Variants in GULP1 observed in about 807,000 individuals in gnomAD.
GULP1 encodes PTB domain-containing engulfment adapter protein 1.
In GULP1, 19 loss-of-function variants were observed where a neutral mutation model predicts 40.9. The ratio of observed to expected loss-of-function variants is 0.46; its 90% CI spans 0.32 to 0.68. GULP1 has a LOEUF of 0.68. GULP1 is among the 30% of genes least tolerant of loss of function. GULP1 has a pLI of 0.03. For synonymous variants in GULP1, 119 were observed against 117.6 expected, an observed-to-expected ratio of 1.01 and a Z score of -0.08; for missense variants, 312 against 362.2, an observed-to-expected ratio of 0.86 and a Z score of 1.12.
chr2:188,316,320 C>G (rs2039075147), intron 1 of GULP1, among the ~76,000 whole-genome samples: 1 of 152,102 alleles, frequency 6.6e-6, no homozygotes, highest in South Asian at 2.1e-4. Context: ...GCCTTTCACA[C>G]TTTTTTGACT....
intron 7 of GULP1, among the ~76,000 whole-genome samples, chr2:188,554,697 G>A (rs1694317178): frequency 1.3e-5 from 2 of 151,850 alleles, no homozygotes; most frequent in South Asian, 4.2e-4. Flanking sequence ...GGAGGTTTTT[G>A]TTATCTGTCT....
chr2:188,423,664 CTT>C (rs200462762), intron 2 of GULP1, among the ~76,000 whole-genome samples: 2,710 of 151,646 alleles, frequency 0.018, 39 homozygotes, highest in Non-Finnish European at 0.029. Context: ...ATTTTAGTAA[CTT>C]ATGAATATAA....
At chr2:188,562,688 A>G (rs1696617339) in intron 7 of GULP1, among the ~76,000 whole-genome samples, 1 of 152,116 alleles carries the variant, frequency 6.6e-6, no homozygotes, top group African/African-American at 2.4e-5. Context: ...ATCATCCACC[A>G]CTTTAATAGA....
intron 1 of GULP1, among the ~76,000 whole-genome samples, chr2:188,329,269 T>C (rs1401907940): frequency 1.3e-5 from 2 of 152,150 alleles, no homozygotes; most frequent in African/African-American, 4.8e-5. Context: ...TACATCCCTC[T>C]TGTACCCTTG....
chr2:188,296,748 G>A (rs1343639747), intron 1 of GULP1, among the ~76,000 whole-genome samples: 1 of 151,976 alleles, frequency 6.6e-6, no homozygotes, highest in African/African-American at 2.4e-5. Context: ...ATGCAACTAA[G>A]AGAGTGCATC....
chr2:188,380,128 G>A (rs538612907), intron 1 of GULP1, among the ~76,000 whole-genome samples: 5 of 152,212 alleles, frequency 3.3e-5, no homozygotes, highest in Non-Finnish European at 5.9e-5. Flanking sequence ...AGAGTGTAGG[G>A]GTATAGGTAT....
At chr2:188,561,837 G>T (rs73042451) in intron 7 of GULP1, among the ~76,000 whole-genome samples, 3 of 152,232 alleles carry the variant, frequency 2.0e-5, no homozygotes, top group East Asian at 1.9e-4. Context: ...CCTGGCAGTG[G>T]TAGTCCTTGC....
intron 4 of GULP1, among the ~76,000 whole-genome samples, chr2:188,492,386 C>T (rs2062480019): frequency 6.6e-6 from 1 of 152,002 alleles, no homozygotes; most frequent in Non-Finnish European, 1.5e-5. Flanking sequence ...TTTTGGTTAA[C>T]AGTATTCCAG....
chr2:188,531,314 G>A (rs1317598425), intron 6 of GULP1, among the ~76,000 whole-genome samples: 1 of 152,166 alleles, frequency 6.6e-6, no homozygotes, highest in Non-Finnish European at 1.5e-5. Context: ...TTATGGAATA[G>A]CGACATAAAA....
chr2:188,466,024 G>A (rs1000917177), intron 2 of GULP1, among the ~76,000 whole-genome samples: 8 of 151,672 alleles, frequency 5.3e-5, no homozygotes, highest in African/African-American at 1.9e-4. Flanking sequence ...CCTCACTGGG[G>A]GGACAATTGA....
At chr2:188,300,646 C>T (rs1447650277) in intron 1 of GULP1, among the ~76,000 whole-genome samples, 1 of 152,098 alleles carries the variant, frequency 6.6e-6, no homozygotes, top group Non-Finnish European at 1.5e-5. Context: ...CTGTGAGATA[C>T]ATCTATTTTA....
intron 1 of GULP1, among the ~76,000 whole-genome samples, chr2:188,313,000 T>C (rs2038439892): frequency 6.6e-6 from 1 of 152,178 alleles, no homozygotes; most frequent in South Asian, 2.1e-4. Context: ...TTTAAGTTCC[T>C]TGTAAACTCT....
At chr2:188,527,465 A>G (rs1686458719) in intron 5 of GULP1, among the ~76,000 whole-genome samples, 1 of 152,212 alleles carries the variant, frequency 6.6e-6, no homozygotes, top group African/African-American at 2.4e-5. Context: ...TTATGCTGAT[A>G]TAAGGAGATT....
At chr2:188,485,098 A>G (rs544030176) in intron 4 of GULP1, among the ~76,000 whole-genome samples, 3 of 152,264 alleles carry the variant, frequency 2.0e-5, no homozygotes, top group South Asian at 4.1e-4. Flanking sequence ...TCAATTTTTT[A>G]TATTATCAAT....
At chr2:188,340,778 G>A (rs2042862148) in intron 1 of GULP1, among the ~76,000 whole-genome samples, 1 of 152,106 alleles carries the variant, frequency 6.6e-6, no homozygotes, top group Admixed American at 6.5e-5. Context: ...GAATGCAGAG[G>A]ACTTTATTGC....
chr2:188,503,550 G>A (rs1039399906), intron 4 of GULP1, among the ~76,000 whole-genome samples: 2 of 151,840 alleles, frequency 1.3e-5, no homozygotes, highest in Admixed American at 6.6e-5. Context: ...CTCGACACAT[G>A]AAGATTACAA....
At chr2:188,370,833 A>T (rs1037461924) in intron 1 of GULP1, among the ~76,000 whole-genome samples, 1 of 152,034 alleles carries the variant, frequency 6.6e-6, no homozygotes, top group Non-Finnish European at 1.5e-5. Context: ...TATACTTTCA[A>T]ATGTATGTGT....
At chr2:188,446,699 G>A (rs2058415046) in intron 2 of GULP1, among the ~76,000 whole-genome samples, 1 of 152,114 alleles carries the variant, frequency 6.6e-6, no homozygotes, top group Non-Finnish European at 1.5e-5. Flanking sequence ...TGTTTATCAA[G>A]CAGGACTTTA....
chr2:188,324,919 T>C (rs1051051007), intron 1 of GULP1, among the ~76,000 whole-genome samples: 2 of 151,936 alleles, frequency 1.3e-5, no homozygotes, highest in Non-Finnish European at 2.9e-5. Flanking sequence ...AAGACATTGG[T>C]ATAATGTATT....
Sources: allele counts gnomAD v4.1 joint callset (sites outside exome capture counted in the v4.1 genomes callset), GRCh38; gene constraint gnomAD v4.1.1; transcripts MANE v1.5; gene names NCBI Gene and HGNC (gene_info 2026-07-23, HGNC 2026-07-21).